The following NLGN1 variants were observed in gnomAD, a reference collection of about 807,000 sequenced individuals.
The protein encoded by NLGN1 is neuroligin 1.
A neutral mutation model predicts 65.5 loss-of-function variants in NLGN1; 12 were observed. The ratio of observed to expected loss-of-function variants is 0.18; its 90% confidence interval spans 0.12 to 0.30. The LOEUF (loss-of-function observed/expected upper bound fraction) is 0.30, where lower values mean the gene tolerates loss of function less well. Among genes scored for constraint, NLGN1 ranks in the 10% least tolerant of loss-of-function variants. The probability of loss-of-function intolerance (pLI) is 1.00; values close to 1 mark genes in which losing one functional copy is unlikely to be tolerated. For missense variants in NLGN1, 750 were observed against 1,007.1 expected, an observed-to-expected ratio of 0.74 and a Z score of 3.46; for synonymous variants, 350 against 359.5, an observed-to-expected ratio of 0.97 and a Z score of 0.30.
At chr3:173,591,778 G>A (rs767481746) in intron 2 of NLGN1, among the ~76,000 whole-genome samples, 8 of 152,086 alleles carry the variant, frequency 5.3e-5, no homozygotes, top group African/African-American at 9.7e-5. Flanking sequence ...ACAAAAATAA[G>A]CTTAAAGAAT....
At chr3:173,624,863 A>G (rs1383297004) in intron 3 of NLGN1, among the ~76,000 whole-genome samples, 1 of 148,956 alleles carries the variant, frequency 6.7e-6, no homozygotes, top group Non-Finnish European at 1.5e-5. Context: ...TATTTTATCC[A>G]CTCTCTCTTT....
At chr3:173,409,334 ATGAT>A (rs769593717) in intron 1 of NLGN1, among the ~76,000 whole-genome samples, 126 of 152,298 alleles carry the variant, frequency 8.3e-4, no homozygotes, top group Non-Finnish European at 1.5e-3. Flanking sequence ...TTATAGTTGA[ATGAT>A]TGATATGAGA....
chr3:173,396,719 C>G (rs1042740998), upstream of NLGN1: 22 of 152,220 alleles, frequency 1.4e-4, no homozygotes, highest in Admixed American at 4.6e-4. Context: ...CTGCGTCCGC[C>G]GAGCTCCGGC....
chr3:173,602,138 A>G (rs1449452755), intron 2 of NLGN1, among the ~76,000 whole-genome samples: 1 of 152,054 alleles, frequency 6.6e-6, no homozygotes, highest in African/African-American at 2.4e-5. Flanking sequence ...ATGAGTAAGA[A>G]GGGGATAACT....
At chr3:174,134,570 G>A (rs997894975) in intron 4 of NLGN1, among the ~76,000 whole-genome samples, 5 of 152,208 alleles carry the variant, frequency 3.3e-5, no homozygotes, top group African/African-American at 1.2e-4. Flanking sequence ...CAGTCTCATG[G>A]TGGGTGCCCA....
At chr3:173,574,070 AAAAAAAAAAAAAAG>A (rs1745107955) in intron 2 of NLGN1, among the ~76,000 whole-genome samples, 1 of 150,524 alleles carries the variant, frequency 6.6e-6, no homozygotes, top group South Asian at 2.1e-4. Context: ...CTCAAAAAAA[AAAAAAAAAAAAAAG>A]AAAAAGAAAA....
At chr3:173,573,461 A>C (rs1316736560) in intron 2 of NLGN1, among the ~76,000 whole-genome samples, 1 of 150,380 alleles carries the variant, frequency 6.6e-6, no homozygotes, top group Non-Finnish European at 1.5e-5. Flanking sequence ...AAATGGGGAT[A>C]CATGTATCTT....
intron 4 of NLGN1, among the ~76,000 whole-genome samples, chr3:174,072,352 G>T (rs998613310): frequency 1.3e-5 from 2 of 152,158 alleles, no homozygotes; most frequent in Admixed American, 1.3e-4. Flanking sequence ...TGAGTTAAAA[G>T]ATGGCATTGT....
At chr3:173,714,673 A>G (rs986063814) in intron 3 of NLGN1, among the ~76,000 whole-genome samples, 1 of 152,144 alleles carries the variant, frequency 6.6e-6, no homozygotes, top group African/African-American at 2.4e-5. Flanking sequence ...TCCTAGGAGA[A>G]TGAGATTTAA....
intron 4 of NLGN1, among the ~76,000 whole-genome samples, chr3:173,931,672 C>A (rs1417431223): frequency 1.3e-5 from 2 of 152,062 alleles, no homozygotes; most frequent in African/African-American, 4.8e-5. Flanking sequence ...TCTGTTAGAT[C>A]ATTGAAGAAT....
At chr3:173,405,370 G>T (rs1331980094) in intron 1 of NLGN1, among the ~76,000 whole-genome samples, 2 of 151,024 alleles carry the variant, frequency 1.3e-5, no homozygotes, top group Non-Finnish European at 2.9e-5. Flanking sequence ...AGAATAAGAA[G>T]AATACCAACA....
At chr3:174,062,049 T>TG (rs1473236761) in intron 4 of NLGN1, among the ~76,000 whole-genome samples, 18 of 151,958 alleles carry the variant, frequency 1.2e-4, no homozygotes, top group Admixed American at 2.6e-4. Context: ...TGTGAATGCT[T>TG]GGGGGGGAAG....
At chr3:173,537,483 A>AGTGTGTGTGT (rs35226730) in intron 2 of NLGN1, among the ~76,000 whole-genome samples, 6 of 149,002 alleles carry the variant, frequency 4.0e-5, no homozygotes, top group African/African-American at 1.5e-4. Flanking sequence ...GTATTTGCTT[A>AGTGTGTGTGT]GTGTGTGTGT....
chr3:173,849,272 C>T (rs1305562510), intron 4 of NLGN1, among the ~76,000 whole-genome samples: 1 of 151,984 alleles, frequency 6.6e-6, no homozygotes, highest in Non-Finnish European at 1.5e-5. Context: ...AGGTTTGCAC[C>T]TAATTTTAAT....
At chr3:174,216,032 C>T (rs577962840) in intron 4 of NLGN1, among the ~76,000 whole-genome samples, 1 of 152,196 alleles carries the variant, frequency 6.6e-6, no homozygotes, top group African/African-American at 2.4e-5. Context: ...CATGACAACC[C>T]AAGGGGTAGG....
intron 4 of NLGN1, among the ~76,000 whole-genome samples, chr3:173,840,023 TA>T (rs1724484690): frequency 6.6e-6 from 1 of 152,198 alleles, no homozygotes; most frequent in South Asian, 2.1e-4. Flanking sequence ...GATTCCAGCT[TA>T]ACCACTGTGC....
chr3:174,215,873 C>A (rs1234589629), intron 4 of NLGN1, among the ~76,000 whole-genome samples: 1 of 152,092 alleles, frequency 6.6e-6, no homozygotes, highest in African/African-American at 2.4e-5. Flanking sequence ...TCTACTGCAG[C>A]CTCCCAGTGG....
At chr3:173,953,058 C>T (rs1247668493) in intron 4 of NLGN1, among the ~76,000 whole-genome samples, 8 of 152,114 alleles carry the variant, frequency 5.3e-5, no homozygotes, top group East Asian at 3.9e-4. Flanking sequence ...GTATTACAGG[C>T]GTGAGCCACC....
intron 4 of NLGN1, among the ~76,000 whole-genome samples, chr3:174,059,927 T>C (rs1737031948): frequency 6.6e-6 from 1 of 152,154 alleles, no homozygotes; most frequent in Non-Finnish European, 1.5e-5. Context: ...AAGGCTCTCA[T>C]GGGTTTGGAA....
Sources: gnomAD v4.1 joint callset for allele counts (sites outside exome capture counted in the v4.1 genomes callset) on GRCh38, gnomAD v4.1.1 for gene constraint, MANE v1.5 for transcripts, NCBI Gene and HGNC (gene_info 2026-07-23, HGNC 2026-07-21) for gene names.